The following GRID1 variants were observed in gnomAD, a reference collection of about 807,000 sequenced individuals.
GRID1 encodes the protein glutamate receptor ionotropic, delta-1.
Under a neutral mutation model 98.0 loss-of-function variants are expected in GRID1, and 28 were observed. The observed-to-expected ratio is 0.29, with a 90% CI of 0.21 to 0.39. The LOEUF (loss-of-function observed/expected upper bound fraction) is 0.39. Among genes scored for constraint, GRID1 ranks in the 10% least tolerant of loss-of-function variants. The pLI, the probability that GRID1 is intolerant of heterozygous loss-of-function variation, is 1.00. For missense variants in GRID1, 1,111 were observed against 1,340.5 expected (o/e 0.83, Z 2.67); for synonymous variants, 553 against 538.5 (o/e 1.03, Z -0.37).
At chr10:86,302,659 G>A (rs1049067640) in intron 2 of GRID1, among the ~76,000 whole-genome samples, 4 of 152,198 alleles carry the variant, frequency 2.6e-5, no homozygotes, top group African/African-American at 9.6e-5. Flanking sequence ...CAATACAGGG[G>A]ACAGAGGAAC....
At chr10:86,123,604 C>T (rs976990523) in intron 4 of GRID1, among the ~76,000 whole-genome samples, 2 of 152,170 alleles carry the variant, frequency 1.3e-5, no homozygotes, top group Non-Finnish European at 2.9e-5. Context: ...AGCAGCCCTG[C>T]CTGATTCTCA....
intron 3 of GRID1, among the ~76,000 whole-genome samples, chr10:86,145,353 G>T (rs569280629): frequency 1.1e-3 from 169 of 152,258 alleles, no homozygotes; most frequent in African/African-American, 3.9e-3. Context: ...CTCCGGAGTA[G>T]CTGGGATTAC....
At chr10:86,000,812 A>C (rs1211482215) in intron 4 of GRID1, among the ~76,000 whole-genome samples, 2 of 152,214 alleles carry the variant, frequency 1.3e-5, no homozygotes, top group African/African-American at 4.8e-5. Context: ...GATAGTTTTA[A>C]TAAAGTTAAA....
At chr10:86,320,710 T>A (rs941009553) in intron 2 of GRID1, among the ~76,000 whole-genome samples, 12 of 152,148 alleles carry the variant, frequency 7.9e-5, no homozygotes, top group Non-Finnish European at 1.6e-4. Flanking sequence ...CACACACACA[T>A]CCTTAGGACT....
At chr10:86,031,846 T>C (rs996390998) in intron 4 of GRID1, among the ~76,000 whole-genome samples, 1 of 152,236 alleles carries the variant, frequency 6.6e-6, no homozygotes, top group Non-Finnish European at 1.5e-5. Flanking sequence ...GAGGTGTTTC[T>C]TGCATATGGC....
intron 2 of GRID1, among the ~76,000 whole-genome samples, chr10:86,286,365 G>T (rs1253684235): frequency 9.2e-5 from 14 of 152,174 alleles, no homozygotes; most frequent in Non-Finnish European, 2.1e-4. Context: ...AGCAGCCTGT[G>T]TCTCCGTGGG....
intron 2 of GRID1, among the ~76,000 whole-genome samples, chr10:86,342,721 G>A (rs949643654): frequency 3.3e-5 from 5 of 152,318 alleles, no homozygotes; most frequent in East Asian, 1.9e-4. Flanking sequence ...GTCGGGTAGC[G>A]AGCTACCCCC....
At chr10:86,208,722 C>A (rs1902673) in intron 2 of GRID1, among the ~76,000 whole-genome samples, 120,530 of 152,154 alleles carry the variant, frequency 0.79, 47,771 homozygotes, top group East Asian at 0.88. Context: ...CCAGGAGGAC[C>A]AGGGTCATGC....
chr10:85,989,048 A>G (rs1842646151), intron 4 of GRID1, among the ~76,000 whole-genome samples: 1 of 152,182 alleles, frequency 6.6e-6, no homozygotes, highest in African/African-American at 2.4e-5. Context: ...CGGATTACGC[A>G]GGTTTAGGAT....
intron 4 of GRID1, among the ~76,000 whole-genome samples, chr10:85,931,474 CT>C (rs1330148621): frequency 4.6e-5 from 7 of 151,972 alleles, no homozygotes; most frequent in Non-Finnish European, 8.8e-5. Flanking sequence ...TTTTTATCAA[CT>C]TTTCTCTCTC....
chr10:85,833,093 G>A (rs939024902), intron 8 of GRID1, among the ~76,000 whole-genome samples: 2 of 152,158 alleles, frequency 1.3e-5, no homozygotes, highest in Admixed American at 6.5e-5. Flanking sequence ...ACCAGCAAGG[G>A]TGATTCCACC....
intron 4 of GRID1, among the ~76,000 whole-genome samples, chr10:86,094,353 C>A (rs900267591): frequency 1.3e-5 from 2 of 152,178 alleles, no homozygotes. Flanking sequence ...CCAGAGCAAT[C>A]AGACAAGAGA....
At chr10:86,302,003 A>G (rs191841631) in intron 2 of GRID1, among the ~76,000 whole-genome samples, 160 of 152,322 alleles carry the variant, frequency 1.1e-3, no homozygotes, top group African/African-American at 3.7e-3. Context: ...CTCCCAGGCC[A>G]CCTGACTGGC....
chr10:86,117,787 C>T (rs1409551441), intron 4 of GRID1, among the ~76,000 whole-genome samples: 3 of 152,170 alleles, frequency 2.0e-5, no homozygotes, highest in Non-Finnish European at 4.4e-5. Context: ...GCAAGAATGG[C>T]CATAATCAAA....
chr10:85,996,286 C>T (rs951911586), intron 4 of GRID1, among the ~76,000 whole-genome samples: 1 of 152,110 alleles, frequency 6.6e-6, no homozygotes, highest in African/African-American at 2.4e-5. Flanking sequence ...CTGGCAAAGG[C>T]TTTAAAGTAA....
intron 14 of GRID1, among the ~76,000 whole-genome samples, chr10:85,614,476 C>T (rs930199991): frequency 2.0e-5 from 3 of 152,204 alleles, no homozygotes; most frequent in African/African-American, 7.2e-5. Context: ...ATGGTTATTC[C>T]TATTTTCCCA....
At chr10:85,710,189 T>C (rs960046684) in intron 12 of GRID1, among the ~76,000 whole-genome samples, 2 of 152,046 alleles carry the variant, frequency 1.3e-5, no homozygotes, top group African/African-American at 4.8e-5. Context: ...AAAAACACAA[T>C]TGAAGGTCTC....
chr10:85,657,755 T>C (rs974502457), intron 12 of GRID1, among the ~76,000 whole-genome samples: 5 of 152,110 alleles, frequency 3.3e-5, no homozygotes, highest in Non-Finnish European at 7.4e-5. Flanking sequence ...CAGATCTAGT[T>C]CTTTGGGCTC....
Position 86,064,957 on chromosome 10 carries a change from T to C in GRID1, c.726+73862A>G, listed in dbSNP as rs537176879. Among the ~76,000 whole-genome samples the C allele has an allele frequency of 7.7e-4, 118 of 152,302 alleles. 1 individual carries two copies. Among genetic ancestry groups the C allele is most frequent in the Non-Finnish European group, 1.3e-3 (86 of 68,030 alleles). ...AACATTTTATATTAAAAATTGAGAT[T>C]CCCATTCTTTCCAGACTGAGCAGAA... On this transcript the variant is annotated intron_variant, in intron 4 of 15. Transcript: ENST00000327946.
Sources: allele counts gnomAD v4.1 joint callset (sites outside exome capture counted in the v4.1 genomes callset), GRCh38; gene constraint gnomAD v4.1.1; transcripts MANE v1.5; gene names NCBI Gene and HGNC (gene_info 2026-07-23, HGNC 2026-07-21).